SLC35F1: variants seen among roughly 807,000 people sequenced by gnomAD.
The protein encoded by SLC35F1 is solute carrier family 35 member F1.
A neutral mutation model predicts 48.7 loss-of-function variants in SLC35F1; 14 were observed. That is an observed-to-expected ratio of 0.29 (90% confidence interval 0.19 to 0.45). SLC35F1 has a LOEUF of 0.45. Among genes scored for constraint, SLC35F1 ranks in the 20% least tolerant of loss-of-function variants. The pLI is 1.00. For missense variants in SLC35F1, 404 were observed against 500.0 expected (o/e 0.81, Z 1.83); for synonymous variants, 190 against 202.2 (o/e 0.94, Z 0.51).
At chr6:117,985,348 T>C (rs541965990) in intron 1 of SLC35F1, among the ~76,000 whole-genome samples, 9 of 152,358 alleles carry the variant, frequency 5.9e-5, no homozygotes, top group Admixed American at 1.3e-4. Flanking sequence ...TAAATGTCTC[T>C]GTTTTTAATG....
At chr6:118,016,999 A>G (rs768438191) in intron 1 of SLC35F1, among the ~76,000 whole-genome samples, 4 of 152,220 alleles carry the variant, frequency 2.6e-5, no homozygotes, top group Non-Finnish European at 5.9e-5. Context: ...TGTTGCTACC[A>G]ACACAGGTTT....
At chr6:118,052,740 T>C (rs1301809311) in intron 1 of SLC35F1, among the ~76,000 whole-genome samples, 1 of 152,156 alleles carries the variant, frequency 6.6e-6, no homozygotes, top group Admixed American at 6.6e-5. Context: ...GTGAAAAAAA[T>C]AACAGGATCT....
intron 1 of SLC35F1, among the ~76,000 whole-genome samples, chr6:117,935,929 C>T (rs1776157481): frequency 6.6e-6 from 1 of 152,290 alleles, no homozygotes; most frequent in South Asian, 2.1e-4. Context: ...GTTATGGAGT[C>T]CGCAAACAAT....
At chr6:118,271,282 G>A (rs1001471979) in intron 4 of SLC35F1, among the ~76,000 whole-genome samples, 3 of 152,108 alleles carry the variant, frequency 2.0e-5, no homozygotes, top group African/African-American at 7.2e-5. Flanking sequence ...ACCAAATTAC[G>A]TGGCCCAGAT....
At chr6:118,231,206 T>C (rs1775288869) in intron 2 of SLC35F1, among the ~76,000 whole-genome samples, 1 of 152,156 alleles carries the variant, frequency 6.6e-6, no homozygotes, top group African/African-American at 2.4e-5. Flanking sequence ...TACTTATATT[T>C]TAACATATTG....
At chr6:118,018,477 A>G (rs1277397090) in intron 1 of SLC35F1, among the ~76,000 whole-genome samples, 6 of 152,172 alleles carry the variant, frequency 3.9e-5, no homozygotes, top group African/African-American at 1.4e-4. Context: ...TCCTTTATAT[A>G]TATCGAAAGC....
At chr6:118,243,338 G>A (rs73768610) in intron 3 of SLC35F1, among the ~76,000 whole-genome samples, 2 of 152,130 alleles carry the variant, frequency 1.3e-5, no homozygotes, top group Non-Finnish European at 2.9e-5. Flanking sequence ...CCTAGACAAG[G>A]CACGGTGGCT....
At chr6:118,006,894 CAT>C (rs1777180972) in intron 1 of SLC35F1, among the ~76,000 whole-genome samples, 1 of 152,058 alleles carries the variant, frequency 6.6e-6, no homozygotes, top group Non-Finnish European at 1.5e-5. Context: ...ACACATGCTA[CAT>C]GTGTGTAAAT....
chr6:118,258,288 C>A (rs1775670821), intron 3 of SLC35F1, among the ~76,000 whole-genome samples: 1 of 152,100 alleles, frequency 6.6e-6, no homozygotes, highest in African/African-American at 2.4e-5. Context: ...CTAACGAAAA[C>A]CCTCTATCTT....
At chr6:118,002,563 C>T (rs1477785890) in intron 1 of SLC35F1, among the ~76,000 whole-genome samples, 1 of 151,452 alleles carries the variant, frequency 6.6e-6, no homozygotes, top group Non-Finnish European at 1.5e-5. Context: ...AACTAACCTG[C>T]ACATTGTGCA....
chr6:117,950,400 G>GT (rs1449450708), intron 1 of SLC35F1, among the ~76,000 whole-genome samples: 7 of 152,168 alleles, frequency 4.6e-5, no homozygotes, highest in African/African-American at 1.2e-4. Flanking sequence ...ACAGTTCTCT[G>GT]TTACTGTGTT....
chr6:118,125,683 C>T (rs1773614391), intron 1 of SLC35F1, among the ~76,000 whole-genome samples: 1 of 152,162 alleles, frequency 6.6e-6, no homozygotes, highest in African/African-American at 2.4e-5. Context: ...CACTAGACCC[C>T]CAAGCTGGTT....
intron 5 of SLC35F1, 107 bp downstream of exon 5, chr6:118,275,722 G>A: frequency 2.9e-6 from 3 of 1,017,050 alleles, no homozygotes; most frequent in Non-Finnish European, 4.3e-6. Flanking sequence ...CCAGACACCA[G>A]CTTCCTGTAC....
At chr6:118,023,597 G>T (rs969535884) in intron 1 of SLC35F1, among the ~76,000 whole-genome samples, 1 of 152,146 alleles carries the variant, frequency 6.6e-6, no homozygotes, top group Admixed American at 6.5e-5. Context: ...ATATATTTAA[G>T]GACTGGCCCT....
At chr6:118,087,616 T>C (rs1162783389) in intron 1 of SLC35F1, among the ~76,000 whole-genome samples, 1 of 152,150 alleles carries the variant, frequency 6.6e-6, no homozygotes. Context: ...AAGACAGAAT[T>C]CACTGGACCC....
intron 6 of SLC35F1, among the ~76,000 whole-genome samples, chr6:118,283,372 T>G (rs1776008403): frequency 6.6e-6 from 1 of 152,202 alleles, no homozygotes; most frequent in Admixed American, 6.5e-5. Context: ...ATAGCAACTC[T>G]AAGCTTCTTG....
At chr6:117,980,114 G>T (rs1776757736) in intron 1 of SLC35F1, among the ~76,000 whole-genome samples, 2 of 152,108 alleles carry the variant, frequency 1.3e-5, no homozygotes, top group Non-Finnish European at 2.9e-5. Context: ...AGAGCCTCAT[G>T]TGTAAGATTG....
Position 118,081,967 on chromosome 6 carries a change from G to GAA in SLC35F1, c.174-72475_174-72474dup, listed in dbSNP as rs1206612685. On this transcript the variant is annotated intron_variant, in intron 1 of 7. Coordinates refer to ENST00000360388, the MANE Select transcript of SLC35F1 (RefSeq NM_001029858.4). ...AAAAACTTTTAAAGACCCAAGGAAT[G>GAA]AAAATTTCCGTTAATCTGTATCAAT... Among the ~76,000 whole-genome samples the GAA allele has an allele frequency of 4.6e-5, 7 of 152,320 alleles. No individual in the cohort carries two copies. In the South Asian group the frequency reaches 1.0e-3, roughly 23 times the overall value.
chr6:117,907,506 G>A lies in SLC35F1; in HGVS notation c.-221G>A, dbSNP rs965861792. The stretch of plus-strand genomic sequence containing the variant: ...GGCGGGCGGCGGCGGCGGCGGCACG[G>A]GCGCGAGGGTGCGCGCACTGGGACT... On this transcript the variant is annotated 5_prime_UTR_variant, in exon 1 of 8. Coordinates refer to ENST00000360388, the MANE Select transcript of SLC35F1 (RefSeq NM_001029858.4). 7.2e-6 allele frequency: 2 copies of A among 277,588 alleles called. No homozygotes were observed. Among genetic ancestry groups the A allele is most frequent in the Non-Finnish European group, 1.3e-5 (2 of 151,044 alleles). The allele number at this position is 277,588 out of a possible 1,614,324, so 17.2% of individuals were successfully genotyped here.
Sources: allele counts gnomAD v4.1 joint callset (sites outside exome capture counted in the v4.1 genomes callset), GRCh38; gene constraint gnomAD v4.1.1; transcripts MANE v1.5; gene names NCBI Gene and HGNC (gene_info 2026-07-23, HGNC 2026-07-21).